The following GRM8 variants were observed in gnomAD, a reference collection of about 807,000 sequenced individuals.
GRM8 encodes metabotropic glutamate receptor 8.
Under a neutral mutation model 87.2 loss-of-function variants are expected in GRM8, and 47 were observed. The ratio of observed to expected loss-of-function variants is 0.54; its 90% CI spans 0.43 to 0.69. GRM8 has a LOEUF of 0.69. GRM8 is among the 30% of genes least tolerant of loss of function. The probability of loss-of-function intolerance (pLI) is 0.00; values close to 1 mark genes in which losing one functional copy is unlikely to be tolerated. For synonymous variants in GRM8, 396 were observed against 404.5 expected, an observed-to-expected ratio of 0.98 and a Z score of 0.25; for missense variants, 1,019 against 1,139.2, an observed-to-expected ratio of 0.89 and a Z score of 1.52.
intron 7 of GRM8, among the ~76,000 whole-genome samples, chr7:126,656,538 G>A (rs531356918): frequency 6.0e-3 from 475 of 78,708 alleles, no homozygotes; most frequent in Non-Finnish European, 7.5e-3. Flanking sequence ...TTGGTGGCAC[G>A]TGCCTGTAAT....
At chr7:126,737,787 T>C (rs2151499409) in intron 7 of GRM8, among the ~76,000 whole-genome samples, 1 of 152,130 alleles carries the variant, frequency 6.6e-6, no homozygotes, top group Middle Eastern at 3.4e-3. Flanking sequence ...AAGTCATGAC[T>C]CCCACCCTCA....
intron 6 of GRM8, among the ~76,000 whole-genome samples, chr7:126,772,140 G>C (rs555065194): frequency 6.6e-6 from 1 of 152,036 alleles, no homozygotes; most frequent in Non-Finnish European, 1.5e-5. Context: ...TGTTATTTCC[G>C]TATAGATTCT....
intron 8 of GRM8, among the ~76,000 whole-genome samples, chr7:126,592,534 T>C (rs949743786): frequency 4.6e-5 from 7 of 152,032 alleles, no homozygotes; most frequent in Non-Finnish European, 7.4e-5. Context: ...AAAAAACGTA[T>C]GATCATTTCA....
At chr7:126,532,764 GATATATATATATATATATATAT>G (rs521) in intron 9 of GRM8, among the ~76,000 whole-genome samples, 166 bp downstream of exon 9, 4,350 of 110,978 alleles carry the variant, frequency 0.039, 201 homozygotes, top group African/African-American at 0.058. Context: ...GACGGATGGA[GATATATATATATATATATATAT>G]ATATATATAT....
At chr7:126,748,321 G>C (rs1186352617) in intron 7 of GRM8, among the ~76,000 whole-genome samples, 4 of 152,020 alleles carry the variant, frequency 2.6e-5, no homozygotes, top group Non-Finnish European at 5.9e-5. Flanking sequence ...TGGACACAAA[G>C]TGAACATACA....
chr7:127,169,097 A>G (rs1053895712), intron 2 of GRM8, among the ~76,000 whole-genome samples: 1 of 152,024 alleles, frequency 6.6e-6, no homozygotes, highest in African/African-American at 2.4e-5. Context: ...AAAGCTAGAA[A>G]TGAGGAAGCT....
At chr7:126,739,427 CACA>C (rs1814670899) in intron 7 of GRM8, among the ~76,000 whole-genome samples, 1 of 148,648 alleles carries the variant, frequency 6.7e-6, no homozygotes, top group Non-Finnish European at 1.5e-5. Flanking sequence ...CACACACACA[CACA>C]CCACATACAA....
intron 9 of GRM8, among the ~76,000 whole-genome samples, chr7:126,491,494 T>C (rs1808006036): frequency 6.6e-6 from 1 of 152,100 alleles, no homozygotes; most frequent in Non-Finnish European, 1.5e-5. Flanking sequence ...TTCACAAATT[T>C]ACAGTGCTTG....
chr7:126,941,581 C>T (rs924067493), intron 3 of GRM8, among the ~76,000 whole-genome samples: 31 of 150,768 alleles, frequency 2.1e-4, no homozygotes, highest in Non-Finnish European at 1.3e-4. Context: ...GATCGCACCA[C>T]TGCACTCCAG....
At chr7:126,902,959 T>C (rs1012908783) in intron 5 of GRM8, among the ~76,000 whole-genome samples, 1 of 152,034 alleles carries the variant, frequency 6.6e-6, no homozygotes, top group Non-Finnish European at 1.5e-5. Context: ...TCTTAAACCC[T>C]CTCCTACTCT....
chr7:126,653,532 T>C (rs1286660458), intron 7 of GRM8, among the ~76,000 whole-genome samples: 1 of 152,204 alleles, frequency 6.6e-6, no homozygotes, highest in East Asian at 1.9e-4. Context: ...ACATTGATTG[T>C]ATAGACAAGA....
At chr7:126,892,175 G>A (rs569007581) in intron 6 of GRM8, among the ~76,000 whole-genome samples, 72 of 150,248 alleles carry the variant, frequency 4.8e-4, no homozygotes, top group African/African-American at 1.7e-3. Flanking sequence ...TAAGTTTCAG[G>A]GTACATGTGC....
At chr7:126,828,634 T>C (rs1795053698) in intron 6 of GRM8, among the ~76,000 whole-genome samples, 1 of 152,166 alleles carries the variant, frequency 6.6e-6, no homozygotes, top group Admixed American at 6.5e-5. Context: ...AGTCTATCAA[T>C]TTTGTTGATC....
At chr7:126,538,632 A>G in intron 8 of GRM8, among the ~76,000 whole-genome samples, 1 of 152,038 alleles carries the variant, frequency 6.6e-6, no homozygotes, top group Non-Finnish European at 1.5e-5. Flanking sequence ...GTTAATTATT[A>G]TTAATTAATA....
chr7:126,859,265 A>C (rs1324721556), intron 6 of GRM8, among the ~76,000 whole-genome samples: 1 of 152,182 alleles, frequency 6.6e-6, no homozygotes, highest in African/African-American at 2.4e-5. Flanking sequence ...TTAAACGTGA[A>C]TAGATAAAAG....
At chr7:126,643,319 AATATATATATAT>A (rs1198296006) in intron 7 of GRM8, among the ~76,000 whole-genome samples, 2,023 of 34,908 alleles carry the variant, frequency 0.058, 25 homozygotes, top group Middle Eastern at 0.14. Flanking sequence ...AAAAAAAAAA[AATATATATATAT>A]ATATATATAT....
At chr7:126,505,005 T>C (rs547146980) in intron 9 of GRM8, among the ~76,000 whole-genome samples, 14 of 152,048 alleles carry the variant, frequency 9.2e-5, no homozygotes, top group Non-Finnish European at 1.5e-4. Flanking sequence ...GAAGGAAAAA[T>C]GGAGGGCTTC....
At chr7:126,851,811 G>A (rs1310797717) in intron 6 of GRM8, among the ~76,000 whole-genome samples, 1 of 151,980 alleles carries the variant, frequency 6.6e-6, no homozygotes, top group Non-Finnish European at 1.5e-5. Context: ...AGATTACCCT[G>A]CTTTATTTTT....
At chr7:127,141,897 A>G (rs1176882256) in intron 2 of GRM8, among the ~76,000 whole-genome samples, 1 of 152,146 alleles carries the variant, frequency 6.6e-6, no homozygotes, top group Non-Finnish European at 1.5e-5. Context: ...TCACAAAAAT[A>G]GGACCCACTG....
Sources: gnomAD v4.1 joint callset for allele counts (sites outside exome capture counted in the v4.1 genomes callset) on GRCh38, gnomAD v4.1.1 for gene constraint, MANE v1.5 for transcripts, NCBI Gene and HGNC (gene_info 2026-07-23, HGNC 2026-07-21) for gene names.